ADCY5: variants seen among roughly 807,000 people sequenced by gnomAD.
ADCY5 encodes adenylate cyclase 5, also known as adenylate cyclase type 5.
Under a neutral mutation model 119.7 loss-of-function variants are expected in ADCY5, and 30 were observed. The ratio of observed to expected loss-of-function variants is 0.25; its 90% CI spans 0.19 to 0.34. The LOEUF is 0.34. Among genes scored for constraint, ADCY5 ranks in the 10% least tolerant of loss-of-function variants. The pLI is 1.00. For missense variants in ADCY5, 1,324 were observed against 1,775.2 expected (o/e 0.75, Z 4.57); for synonymous variants, 753 against 762.2 (o/e 0.99, Z 0.20).
chr3:123,359,570 C>T (rs2108522414), intron 1 of ADCY5, among the ~76,000 whole-genome samples: 1 of 151,826 alleles, frequency 6.6e-6, no homozygotes, highest in Non-Finnish European at 1.5e-5. Flanking sequence ...TTTCCGTGTG[C>T]ATCAGAGTCT....
At chr3:123,425,981 G>A (rs539489099) in intron 1 of ADCY5, among the ~76,000 whole-genome samples, 2 of 152,346 alleles carry the variant, frequency 1.3e-5, no homozygotes, top group Admixed American at 1.3e-4. Context: ...AGCTCTCCTG[G>A]AATGTGTGGG....
At position 123,332,425 on chromosome 3, in the gene ADCY5, C is replaced by T. The variant is rs935346118; in HGVS notation, c.1518+139G>A. On this transcript the variant is annotated intron_variant, in intron 4 of 20. Transcript: ENST00000462833. ...AGCCGCAGCCTAAGGGTCCCCTCTG[C>T]CCATCACCAGCAGGCTCTGCTCAGC... 5.0e-5 allele frequency: 33 copies of T among 660,948 alleles called. 1 individual carries two copies. Among genetic ancestry groups the T allele is most frequent in the Middle Eastern group, 5.4e-4 (2 of 3,672 alleles). 40.9% of individuals were successfully genotyped at this position (660,948 alleles called of 1,614,324 possible). A position where few individuals can be genotyped will look rare whatever the true frequency, so the allele number is the denominator to read the frequency against.
At chr3:123,447,189 G>A (rs1416026888) in intron 1 of ADCY5, among the ~76,000 whole-genome samples, 3 of 152,202 alleles carry the variant, frequency 2.0e-5, no homozygotes, top group African/African-American at 7.2e-5. Flanking sequence ...CGTTATCTAA[G>A]GGGCAAGGAA....
chr3:123,332,657 G>A lies in ADCY5; in HGVS notation c.1425C>T (p.Ile475=), dbSNP rs757156390. 1.6e-5 allele frequency: 25 copies of A among 1,612,694 alleles called. No individual in the cohort carries two copies. Among genetic ancestry groups the A allele is most frequent in the East Asian group, 4.5e-5 (2 of 44,896 alleles). The part of the protein sequence containing the change: ...HDNVSILFAD[I]EGFTSLASQC... ...GGGACGCCAGGCTGGTGAAGCCCTC[G>A]ATGTCAGCAAACAGGATGCTGGGGG... Residue 475 remains isoleucine (I), a synonymous_variant, in exon 4 of 21, where the codon ATC becomes ATT. Transcript: ENST00000462833.
intron 1 of ADCY5, among the ~76,000 whole-genome samples, chr3:123,386,821 T>C (rs911746653): frequency 7.9e-5 from 12 of 152,144 alleles, no homozygotes; most frequent in African/African-American, 2.7e-4. Context: ...CTCCTAGATA[T>C]AGCCCAGCTG....
At chr3:123,331,538 T>C (rs1941763704) in intron 4 of ADCY5, among the ~76,000 whole-genome samples, 4 of 152,242 alleles carry the variant, frequency 2.6e-5, no homozygotes. Flanking sequence ...CTGAGACTTT[T>C]ATCAAAAAAG....
chr3:123,303,950 A>T (rs1451756873), intron 13 of ADCY5, 117 bp downstream of exon 13: 1 of 736,366 alleles, frequency 1.4e-6, no homozygotes, highest in Non-Finnish European at 2.4e-6. Context: ...CCCAGGTGCG[A>T]AACAAATAAG....
chr3:123,326,477 C>A (rs886962196), intron 7 of ADCY5, among the ~76,000 whole-genome samples: 7 of 152,188 alleles, frequency 4.6e-5, no homozygotes, highest in African/African-American at 1.7e-4. Context: ...CCTTTTTGGA[C>A]CGCTTGTCCA....
chr3:123,358,154 A>ATG (rs1559834360), intron 1 of ADCY5, among the ~76,000 whole-genome samples: 8 of 81,236 alleles, frequency 9.8e-5, no homozygotes, highest in Admixed American at 6.5e-4. Flanking sequence ...CACATGGAAC[A>ATG]CGTGTGTGTG....
chr3:123,374,239 G>T (rs1943745952), intron 1 of ADCY5, among the ~76,000 whole-genome samples: 1 of 152,108 alleles, frequency 6.6e-6, no homozygotes, highest in Non-Finnish European at 1.5e-5. Flanking sequence ...AGCACAGGTG[G>T]GGCAGTGAAG....
At position 123,284,536 on chromosome 3, in the gene ADCY5, C is replaced by G; in HGVS notation, c.*72G>C. 1 of 1,592,286 alleles carries G rather than the reference C, an allele frequency of 6.3e-7. No homozygotes were observed. Among genetic ancestry groups the G allele is most frequent in the Non-Finnish European group, 8.6e-7 (1 of 1,166,166 alleles). ...GGGCTGGAGCATGGCTTCCCCGCCA[C>G]CCCCGGCACACAGAGAAGCTGCTTC... On this transcript the variant is annotated 3_prime_UTR_variant, in exon 21 of 21. Transcript: ENST00000462833.
chr3:123,313,501 G>C, intron 12 of ADCY5, among the ~76,000 whole-genome samples: 1 of 152,184 alleles, frequency 6.6e-6, no homozygotes, highest in Non-Finnish European at 1.5e-5. Context: ...CTTCCCGGAG[G>C]CCAGGCTGGT....
At chr3:123,403,281 G>A (rs1944821391) in intron 1 of ADCY5, among the ~76,000 whole-genome samples, 1 of 151,414 alleles carries the variant, frequency 6.6e-6, no homozygotes, top group Admixed American at 6.6e-5. Flanking sequence ...CTAGGAGGCT[G>A]AGGTGGGATT....
At chr3:123,393,331 T>C (rs1243688175) in intron 1 of ADCY5, among the ~76,000 whole-genome samples, 2 of 148,994 alleles carry the variant, frequency 1.3e-5, no homozygotes, top group African/African-American at 5.0e-5. Flanking sequence ...GTGGGAGGAT[T>C]ACACAAGGAC....
At chr3:123,305,637 CT>C (rs10709804) in intron 12 of ADCY5, among the ~76,000 whole-genome samples, 25,623 of 152,132 alleles carry the variant, frequency 0.17, 3,044 homozygotes, top group East Asian at 0.68. Flanking sequence ...AGTCTTGTGT[CT>C]TCTGCCAGCC....
At chr3:123,360,636 A>G (rs1346464452) in intron 1 of ADCY5, among the ~76,000 whole-genome samples, 1 of 152,228 alleles carries the variant, frequency 6.6e-6, no homozygotes, top group Non-Finnish European at 1.5e-5. Flanking sequence ...TCTGAAAAAA[A>G]CCAACCTATA....
chr3:123,441,166 A>G (rs548259591), intron 1 of ADCY5, among the ~76,000 whole-genome samples: 1 of 152,106 alleles, frequency 6.6e-6, no homozygotes, highest in Non-Finnish European at 1.5e-5. Context: ...CATCAAAATC[A>G]CCTGGGGAGA....
chr3:123,315,277 C>T (rs143972320), intron 11 of ADCY5, among the ~76,000 whole-genome samples: 5 of 152,312 alleles, frequency 3.3e-5, no homozygotes, highest in Non-Finnish European at 5.9e-5. Flanking sequence ...CACAAAAGCC[C>T]GGCACTTAGC....
intron 1 of ADCY5, chr3:123,416,245 C>T (rs1463713903): frequency 6.5e-7 from 1 of 1,536,188 alleles, no homozygotes; most frequent in East Asian, 2.4e-5. Flanking sequence ...TCTGCTGCAA[C>T]AGCCCTCTTT....
Sources: allele counts gnomAD v4.1 joint callset (sites outside exome capture counted in the v4.1 genomes callset), GRCh38; gene constraint gnomAD v4.1.1; transcripts MANE v1.5; gene names NCBI Gene and HGNC (gene_info 2026-07-23, HGNC 2026-07-21).